OTUD7B: variants seen among roughly 807,000 people sequenced by gnomAD.
OTUD7B encodes OTU deubiquitinase 7B.
A neutral mutation model predicts 82.2 loss-of-function variants in OTUD7B; 34 were observed. That is an observed-to-expected ratio of 0.41 (90% CI 0.31 to 0.55). OTUD7B has a LOEUF of 0.55. Ranked by LOEUF, OTUD7B falls within the 20% of genes least tolerant of loss-of-function variation. OTUD7B has a pLI of 0.20. For missense variants in OTUD7B, 944 were observed against 1,062.1 expected (o/e 0.89, Z 1.55); for synonymous variants, 398 against 402.7 (o/e 0.99, Z 0.14).
At chr1:149,975,716 T>C (rs1650257857) in intron 2 of OTUD7B, among the ~76,000 whole-genome samples, 1 of 151,870 alleles carries the variant, frequency 6.6e-6, no homozygotes, top group African/African-American at 2.4e-5. Context: ...TAGGGAAAAG[T>C]AGTAGGAGAA....
chr1:150,021,056 T>C, the OTUD7B span, among the ~76,000 whole-genome samples: 1 of 152,218 alleles, frequency 6.6e-6, no homozygotes, highest in African/African-American at 2.4e-5. Context: ...TTTGAGTACA[T>C]AGTTTTAAAT....
chr1:149,954,002 T>C (rs1222203517), intron 7 of OTUD7B, among the ~76,000 whole-genome samples: 1 of 152,160 alleles, frequency 6.6e-6, no homozygotes, highest in Non-Finnish European at 1.5e-5. Flanking sequence ...ACAGGGACAA[T>C]TTGACTTTCT....
At chr1:149,949,913 G>T in intron 8 of OTUD7B, 135 bp from the exon 9 acceptor site, 1 of 1,276,818 alleles carries the variant, frequency 7.8e-7, no homozygotes, top group Non-Finnish European at 1.1e-6. Flanking sequence ...AAGAAGCCCT[G>T]TCAACTAATC....
At chr1:149,978,225 G>A (rs1553779024) in intron 1 of OTUD7B, among the ~76,000 whole-genome samples, 7 of 152,196 alleles carry the variant, frequency 4.6e-5, no homozygotes. Context: ...TACAGTATTA[G>A]GCCAGGTGCG....
At chr1:149,975,783 G>C (rs1254776068) in intron 2 of OTUD7B, among the ~76,000 whole-genome samples, 1 of 152,052 alleles carries the variant, frequency 6.6e-6, no homozygotes, top group Non-Finnish European at 1.5e-5. Flanking sequence ...CAGCACTTTG[G>C]GAGGCTGAGG....
At chr1:150,025,761 T>C in the OTUD7B span, among the ~76,000 whole-genome samples, 1 of 152,202 alleles carries the variant, frequency 6.6e-6, no homozygotes, top group Non-Finnish European at 1.5e-5. Flanking sequence ...TTATGTCTAA[T>C]ATAGGGGATA....
At chr1:149,979,635 G>T (rs1650576579) in intron 1 of OTUD7B, among the ~76,000 whole-genome samples, 1 of 151,908 alleles carries the variant, frequency 6.6e-6, no homozygotes, top group Non-Finnish European at 1.5e-5. Context: ...AGAACTTTTG[G>T]TCTAAGATAC....
rs1006133771 is a variant in OTUD7B, at chr1:149,946,571, G to A, written c.1323+680C>T. On this transcript the variant is annotated intron_variant, in intron 11 of 11. Coordinates refer to ENST00000581312, the MANE Select transcript of OTUD7B (RefSeq NM_020205.4). ...AGCCTGGCCAACGTGGTGAAACTCC[G>A]TCTCTACTAAAAATACAAAAATCAG... is the stretch of plus-strand genomic sequence containing the variant. Among the ~76,000 whole-genome samples the A allele has an allele frequency of 9.3e-5, 14 of 149,784 alleles. 1 individual carries two copies. The South Asian group carries it at 1.7e-3, about 18-fold the overall frequency.
Position 149,950,224 on chromosome 1 carries a change from G to T in OTUD7B, c.846-3C>A. ...CAGGCTCCTCAGAACTCTCCACCCT[G>T]GAACGACGGGAAGGGAGAGAGTGAA... On this transcript the variant is annotated splice_polypyrimidine_tract_variant and splice_region_variant and intron_variant, in intron 7 of 11. Transcript: ENST00000581312. The T allele has an allele frequency of 6.2e-7, 1 of 1,613,848 alleles. No individual in the cohort carries two copies. Among genetic ancestry groups the T allele is most frequent in the South Asian group, 1.1e-5 (1 of 91,068 alleles).
chr1:150,024,854 C>T, the OTUD7B span, among the ~76,000 whole-genome samples: 1 of 151,996 alleles, frequency 6.6e-6, no homozygotes, highest in African/African-American at 2.4e-5. Context: ...TCAAGACCAG[C>T]CTGGCCAACA....
chr1:149,953,742 TCTC>T lies in OTUD7B; in HGVS notation c.846-3524_846-3522del, dbSNP rs1648449446. On this transcript the variant is annotated intron_variant, in intron 7 of 11. Transcript: ENST00000581312. ...ATTTCATTGAGCAGTGGTTTGTAGT[TCTC>T]CTTGAAGAGGTCCTTCACATCCCTT... 2.0e-5 allele frequency among the ~76,000 whole-genome samples: 3 copies of T among 152,342 alleles called. No homozygotes were observed. The South Asian group carries it at 6.2e-4, about 32-fold the overall frequency.
At chr1:149,972,430 T>A (rs1341295709) in intron 2 of OTUD7B, among the ~76,000 whole-genome samples, 1 of 152,126 alleles carries the variant, frequency 6.6e-6, no homozygotes. Context: ...CTATTCCCTC[T>A]ACCTAGAAGG....
At chr1:149,959,950 CA>C (rs1347594674) in intron 6 of OTUD7B, among the ~76,000 whole-genome samples, 154 bp from the exon 7 acceptor site, 3 of 152,212 alleles carry the variant, frequency 2.0e-5, no homozygotes, top group Non-Finnish European at 4.4e-5. Context: ...ATCTCTTTTA[CA>C]GTCAAGATCC....
chr1:149,993,839 C>T (rs1651754761), intron 1 of OTUD7B, among the ~76,000 whole-genome samples: 1 of 152,178 alleles, frequency 6.6e-6, no homozygotes, highest in African/African-American at 2.4e-5. Flanking sequence ...CCTGTGCAGA[C>T]AGATGCTTCC....
the OTUD7B span, among the ~76,000 whole-genome samples, chr1:150,023,133 A>G: frequency 6.6e-6 from 1 of 152,234 alleles, no homozygotes; most frequent in Non-Finnish European, 1.5e-5. Context: ...TATCAAAAAC[A>G]TGAAAGGTAA....
intron 1 of OTUD7B, among the ~76,000 whole-genome samples, chr1:149,986,910 A>G (rs759254831): frequency 6.6e-6 from 1 of 152,092 alleles, no homozygotes; most frequent in Non-Finnish European, 1.5e-5. Context: ...ATTTTACTAT[A>G]TTTTTTCTTT....
upstream of OTUD7B, among the ~76,000 whole-genome samples, chr1:150,011,338 T>C (rs888322393): frequency 6.6e-6 from 1 of 152,240 alleles, no homozygotes; most frequent in Non-Finnish European, 1.5e-5. Context: ...GCGTTTGTTA[T>C]GTCTTTTAAA....
intron 7 of OTUD7B, among the ~76,000 whole-genome samples, chr1:149,951,546 A>G (rs587715279): frequency 6.6e-6 from 1 of 152,286 alleles, no homozygotes; most frequent in East Asian, 1.9e-4. Context: ...AGCGTGTTCA[A>G]ATACGGAGGG....
chr1:150,020,086 T>A, the OTUD7B span, among the ~76,000 whole-genome samples: 1 of 152,164 alleles, frequency 6.6e-6, no homozygotes, highest in Non-Finnish European at 1.5e-5. Flanking sequence ...TGAGATCGCA[T>A]CACTACATTC....
Sources: gnomAD v4.1 joint callset for allele counts (sites outside exome capture counted in the v4.1 genomes callset) on GRCh38, gnomAD v4.1.1 for gene constraint, MANE v1.5 for transcripts, NCBI Gene and HGNC (gene_info 2026-07-23, HGNC 2026-07-21) for gene names.